AGBL4: variants seen among roughly 807,000 people sequenced by gnomAD.
The protein encoded by AGBL4 is AGBL carboxypeptidase 4.
Under a neutral mutation model 66.4 loss-of-function variants are expected in AGBL4, and 58 were observed. That is an observed-to-expected ratio of 0.87 (90% confidence interval 0.71 to 1.09). The LOEUF (loss-of-function observed/expected upper bound fraction) is 1.09, where lower values mean the gene tolerates loss of function less well. Ranked by LOEUF, AGBL4 falls within the 50% of genes least tolerant of loss-of-function variation. AGBL4 has a pLI of 0.00. For synonymous variants in AGBL4, 234 were observed against 222.9 expected, an observed-to-expected ratio of 1.05 and a Z score of -0.44; for missense variants, 579 against 631.0, an observed-to-expected ratio of 0.92 and a Z score of 0.88.
At chr1:48,808,550 A>G (rs1645979916) in intron 6 of AGBL4, among the ~76,000 whole-genome samples, 1 of 152,018 alleles carries the variant, frequency 6.6e-6, no homozygotes, top group African/African-American at 2.4e-5. Context: ...TAAGCTGCAT[A>G]TGAGCCAGCA....
At chr1:48,751,012 T>C (rs1570500031) in intron 6 of AGBL4, among the ~76,000 whole-genome samples, 1 of 152,164 alleles carries the variant, frequency 6.6e-6, no homozygotes, top group South Asian at 2.1e-4. Flanking sequence ...AACACAAACC[T>C]TCCACTGCTT....
chr1:49,864,234 GAGT>G (rs1646645785), intron 1 of AGBL4, among the ~76,000 whole-genome samples: 1 of 152,110 alleles, frequency 6.6e-6, no homozygotes, highest in Non-Finnish European at 1.5e-5. Context: ...TAGACAAAGA[GAGT>G]AGAAGAATGG....
At chr1:48,891,978 T>C (rs1480983652) in intron 5 of AGBL4, among the ~76,000 whole-genome samples, 2 of 146,398 alleles carry the variant, frequency 1.4e-5, no homozygotes, top group East Asian at 2.0e-4. Flanking sequence ...AGGGCTGCCA[T>C]AACAAATTAC....
chr1:49,232,483 C>T (rs1446726213), intron 4 of AGBL4, among the ~76,000 whole-genome samples: 4 of 151,832 alleles, frequency 2.6e-5, no homozygotes, highest in African/African-American at 4.8e-5. Context: ...CGGATCTTGA[C>T]GTCAGGAGAT....
At chr1:48,734,554 G>A (rs984428207) in intron 6 of AGBL4, among the ~76,000 whole-genome samples, 1 of 152,000 alleles carries the variant, frequency 6.6e-6, no homozygotes, top group African/African-American at 2.4e-5. Flanking sequence ...ACAGGCTCTC[G>A]CCCACCTCCC....
intron 3 of AGBL4, among the ~76,000 whole-genome samples, chr1:49,444,575 C>G (rs1646110515): frequency 6.6e-6 from 1 of 151,524 alleles, no homozygotes; most frequent in Admixed American, 6.6e-5. Flanking sequence ...TCTGTCTTAT[C>G]TGTTACAAGT....
chr1:49,492,841 C>T (rs1647226763), intron 3 of AGBL4, among the ~76,000 whole-genome samples: 1 of 151,910 alleles, frequency 6.6e-6, no homozygotes, highest in South Asian at 2.1e-4. Flanking sequence ...AGTCTGTTCT[C>T]ATGCTGCTAA....
At chr1:49,256,074 T>C (rs1419161377) in intron 3 of AGBL4, among the ~76,000 whole-genome samples, 2 of 152,072 alleles carry the variant, frequency 1.3e-5, no homozygotes, top group Non-Finnish European at 2.9e-5. Flanking sequence ...CATATCTGAG[T>C]GACAAAATAA....
chr1:49,238,525 G>A (rs2148314461), intron 4 of AGBL4, among the ~76,000 whole-genome samples: 1 of 152,266 alleles, frequency 6.6e-6, no homozygotes, highest in Admixed American at 6.5e-5. Flanking sequence ...ACACCACGAA[G>A]AGGAAGGAGG....
chr1:49,221,005 G>T (rs1056163297), intron 4 of AGBL4, among the ~76,000 whole-genome samples: 3 of 152,012 alleles, frequency 2.0e-5, no homozygotes, highest in Non-Finnish European at 2.9e-5. Context: ...TTAAAAGAAC[G>T]CAACCAAAAA....
At chr1:49,091,103 C>T (rs1644995628) in intron 4 of AGBL4, among the ~76,000 whole-genome samples, 1 of 152,132 alleles carries the variant, frequency 6.6e-6, no homozygotes, top group Non-Finnish European at 1.5e-5. Context: ...GGATTAAAAA[C>T]TTCAATGTAA....
intron 2 of AGBL4, among the ~76,000 whole-genome samples, chr1:49,762,917 T>G (rs1481342258): frequency 1.3e-5 from 2 of 152,220 alleles, no homozygotes; most frequent in African/African-American, 2.4e-5. Flanking sequence ...TGCTTTTGTT[T>G]TCTGTACTTT....
chr1:49,668,778 A>G (rs564391292), intron 3 of AGBL4, among the ~76,000 whole-genome samples: 2 of 152,300 alleles, frequency 1.3e-5, no homozygotes, highest in South Asian at 2.1e-4. Flanking sequence ...TTGAACCTCA[A>G]TCTTGCTAAA....
At chr1:49,448,861 G>C (rs968032785) in intron 3 of AGBL4, among the ~76,000 whole-genome samples, 1 of 150,882 alleles carries the variant, frequency 6.6e-6, no homozygotes, top group Non-Finnish European at 1.5e-5. Flanking sequence ...ACTAAGACAG[G>C]TGGGGACTTA....
chr1:49,222,387 C>T (rs1204907331), intron 4 of AGBL4, among the ~76,000 whole-genome samples: 1 of 151,704 alleles, frequency 6.6e-6, no homozygotes, highest in Non-Finnish European at 1.5e-5. Context: ...ATTCTTAGGT[C>T]ATGAACTTGG....
In AGBL4 at chr1:48,978,137, C is replaced by T. The variant is rs572143954; in HGVS notation, c.594+67447G>A. ...AGTTGCATCTTATAAGGTGAAAACA[C>T]GAAGTTCACATATTTTGTTACTTGG... On this transcript the variant is annotated intron_variant, in intron 5 of 13. Transcript: ENST00000371839. Among the ~76,000 whole-genome samples, 9 of 148,704 alleles carry T rather than the reference C, an allele frequency of 6.1e-5. No homozygotes were observed. The South Asian group carries it at 1.0e-3, about 17-fold the overall frequency.
intron 6 of AGBL4, among the ~76,000 whole-genome samples, chr1:48,675,991 T>C (rs1646358796): frequency 1.3e-5 from 2 of 152,238 alleles, no homozygotes; most frequent in African/African-American, 2.4e-5. Context: ...TTTTATAGAA[T>C]GCCATTATGT....
chr1:49,764,123 C>G (rs1206011482), intron 2 of AGBL4, among the ~76,000 whole-genome samples: 3 of 152,192 alleles, frequency 2.0e-5, no homozygotes, highest in Admixed American at 6.5e-5. Context: ...CAGCCCCACA[C>G]CTACCTGAAC....
chr1:49,331,606 T>A (rs998961641), intron 3 of AGBL4, among the ~76,000 whole-genome samples: 14 of 151,844 alleles, frequency 9.2e-5, no homozygotes, highest in African/African-American at 3.1e-4. Flanking sequence ...CCTCCCAGCC[T>A]GGCCTCCAGC....
Sources: gnomAD v4.1 joint callset for allele counts (sites outside exome capture counted in the v4.1 genomes callset) on GRCh38, gnomAD v4.1.1 for gene constraint, MANE v1.5 for transcripts, NCBI Gene and HGNC (gene_info 2026-07-23, HGNC 2026-07-21) for gene names.